The following ABCA7 variants were observed in gnomAD, a reference collection of about 807,000 sequenced individuals.
The protein encoded by ABCA7 is phospholipid-transporting ATPase ABCA7.
A neutral mutation model predicts 227.6 loss-of-function variants in ABCA7; 261 were observed. The ratio of observed to expected loss-of-function variants is 1.15; its 90% CI spans 1.04 to 1.27. ABCA7 has a LOEUF of 1.27. ABCA7 is among the 50% of genes most tolerant of loss of function. The pLI is 0.00. For synonymous variants in ABCA7, 1,488 were observed against 1,279.7 expected (o/e 1.16, Z -3.47); for missense variants, 3,331 against 2,924.5 (o/e 1.14, Z -3.21).
At chr19:1,064,783 G>T (rs2042931367) in intron 45 of ABCA7, 148 bp from the exon 46 acceptor site, 1 of 1,304,594 alleles carries the variant, frequency 7.7e-7, no homozygotes, top group African/African-American at 1.6e-5. Context: ...CGGGCGGGGG[G>T]TGGCGGGGGA....
In ABCA7 at chr19:1,044,608, G is replaced by A; in HGVS notation, c.1079G>A (p.Arg360Lys). ...CTGCAGATGCAGGATGAAGGAAGAA[G>A]GCAGCCCAGACCTGGAGGCCGGGAC... ...RLLQMQDEGR[R>K]QPRPGGRDHM... Residue 360 changes from arginine to lysine, a missense_variant, in exon 11 of 47, where the codon AGG becomes AAG. Transcript: ENST00000263094. 2 of 1,613,074 alleles carry A rather than the reference G, an allele frequency of 1.2e-6. No homozygotes were observed. The highest frequency in any genetic ancestry group is 8.5e-7 in the Non-Finnish European group (1 of 1,179,890).
intron 40 of ABCA7, among the ~76,000 whole-genome samples, chr19:1,060,207 A>ATATATATATATATATATTTTTTTTTT: frequency 1.0e-5 from 1 of 96,768 alleles, no homozygotes; most frequent in African/African-American, 3.5e-5. Context: ...ATATATATAT[A>ATATATATATATATATATTTTTTTTTT]TTTTTTTTTC....
chr19:1,047,927 G>T (rs1455740930), intron 16 of ABCA7, among the ~76,000 whole-genome samples: 1 of 152,204 alleles, frequency 6.6e-6, no homozygotes, highest in Non-Finnish European at 1.5e-5. Flanking sequence ...TGTGGCTCAC[G>T]CTTGTAATCC....
intron 7 of ABCA7, 50 bp downstream of exon 7, chr19:1,042,876 C>T: frequency 6.5e-7 from 1 of 1,528,382 alleles, no homozygotes; most frequent in Non-Finnish European, 8.8e-7. Flanking sequence ...CGTTGGCAGG[C>T]AGCCTGCGCC....
chr19:1,064,048 A>T (rs2042868243), intron 44 of ABCA7, 113 bp from the exon 45 acceptor site: 1 of 1,343,380 alleles, frequency 7.4e-7, no homozygotes, highest in South Asian at 1.4e-5. Context: ...TCTGGGGAAG[A>T]GTGGGGAGAT....
intron 25 of ABCA7, 51 bp from the exon 26 acceptor site, chr19:1,053,955 C>G (rs2042011451): frequency 6.2e-7 from 1 of 1,607,366 alleles, no homozygotes; most frequent in African/African-American, 1.3e-5. Context: ...GATTCCTGAT[C>G]CCCCAATCCG....
chr19:1,046,440 C>T, intron 13 of ABCA7, 34 bp downstream of exon 13: 4 of 1,516,728 alleles, frequency 2.6e-6, no homozygotes, highest in Non-Finnish European at 3.5e-6. Context: ...CTCTTCCCCG[C>T]GGCGGGAAGG....
chr19:1,056,101 G>A lies in ABCA7; in HGVS notation c.4274G>A (p.Gly1425Asp). 3 of 1,605,302 alleles carry A rather than the reference G, an allele frequency of 1.9e-6. No homozygotes were observed. The highest frequency in any genetic ancestry group is 4.5e-5 in the East Asian group (2 of 44,730). ...TTCTCGCTGGGGGGCCGAGACCCAGGCCTGCCCTCGGGCCAAGAGTTGGGC... is the reference window on the plus strand; with the variant it reads ...TTCTCGCTGGGGGGCCGAGACCCAGACCTGCCCTCGGGCCAAGAGTTGGGC... ...GGFSLGGRDPGLPSGQELGRS... is the reference protein window; with the variant it reads ...GGFSLGGRDPDLPSGQELGRS... Residue 1425 changes from glycine (G) to aspartate (D), a missense_variant, in exon 32 of 47, where the codon GGC becomes GAC. Transcript: ENST00000263094. This position sits in a 1 kb window ranked among gnomAD's most constrained non-coding sequence, Gnocchi z 4.3.
Position 1,051,579 on chromosome 19 carries a change from C to T in ABCA7, c.2955C>T (p.Tyr985=). The T allele has an allele frequency of 3.7e-6, 6 of 1,611,760 alleles. No individual in the cohort carries two copies. In the South Asian group the frequency reaches 5.5e-5, roughly 15 times the overall value. The change falls in exon 21 of 47, where the codon TAC becomes TAT. Residue 985 remains tyrosine (Y), a synonymous_variant. Coordinates refer to ENST00000263094, the MANE Select transcript of ABCA7 (RefSeq NM_019112.4). ...GTATTTGGGAGCTGCTGCTCAAATA[C>T]CGAGAAGGTAAGAGCTGGGGATTCT... ...RRGIWELLLK[Y]REGRTLILST...
intron 45 of ABCA7, 138 bp downstream of exon 45, chr19:1,064,391 G>C: frequency 1.9e-6 from 2 of 1,042,234 alleles, no homozygotes; most frequent in Non-Finnish European, 2.7e-6. Flanking sequence ...AGATTGTCCT[G>C]CAGGGGTGAC....
At chr19:1,060,041 G>C (rs531328546) in intron 40 of ABCA7, among the ~76,000 whole-genome samples, 18 of 152,152 alleles carry the variant, frequency 1.2e-4, no homozygotes, top group Admixed American at 2.6e-4. Context: ...TCAAGCACTT[G>C]CTCACAGCCA....
rs4147920 is a variant in ABCA7 at position 1,062,165 on chromosome 19, T to C, written c.5571-7T>C. ...GCTCTCTGAGCCCCCGGCGCCCCCATCCCCAGCGTGGCCCGGGAACCCAGT... is the reference window on the plus strand; with the variant it reads ...GCTCTCTGAGCCCCCGGCGCCCCCACCCCCAGCGTGGCCCGGGAACCCAGT... On this transcript the variant is annotated splice_region_variant and splice_polypyrimidine_tract_variant and intron_variant, in intron 41 of 46. Coordinates refer to ENST00000263094, the MANE Select transcript of ABCA7 (RefSeq NM_019112.4). 81,409 of 1,610,868 alleles carry C rather than the reference T, an allele frequency of 0.051. 2,945 individuals are homozygous for C. Among genetic ancestry groups the C allele is most frequent in the African/African-American group, 0.15 (11,427 of 74,946 alleles).
At chr19:1,061,465 G>A (rs1227742726) in intron 40 of ABCA7, among the ~76,000 whole-genome samples, 10 of 150,132 alleles carry the variant, frequency 6.7e-5, no homozygotes, top group Admixed American at 6.6e-4. Flanking sequence ...AGGAGTTCAA[G>A]GCAGGCGGAT....
intron 21 of ABCA7, among the ~76,000 whole-genome samples, 159 bp downstream of exon 21, chr19:1,051,745 G>T (rs2041651441): frequency 6.6e-6 from 1 of 152,176 alleles, no homozygotes; most frequent in East Asian, 1.9e-4. Context: ...GACAGTAAGA[G>T]TTGGGGATAG....
At chr19:1,047,063 C>T (rs533731250) in intron 14 of ABCA7, 39 bp downstream of exon 14, 3 of 1,550,964 alleles carry the variant, frequency 1.9e-6, no homozygotes, top group African/African-American at 1.4e-5. Flanking sequence ...AGAATGGGTG[C>T]GCTGGAGGGT....
Position 1,047,605 on chromosome 19 carries a change from C to G in ABCA7, c.2220C>G (p.Asp740Glu). Residue 740 changes from aspartate (D) to glutamate (E), a missense_variant, in exon 16 of 47, where the codon GAC becomes GAG. Asp to Glu is a conservative substitution (Grantham distance 45, BLOSUM62 2). Transcript: ENST00000263094. ...LAQVSGLLLL[D>E]AALYGLATWY... ...AGGTCTCTGGCCTTCTGCTGCTGGA[C>G]GCGGCGCTCTACGGCCTCGCCACCT... 6.2e-7 allele frequency: 1 copy of G among 1,602,950 alleles called. No homozygotes were observed. Among genetic ancestry groups the G allele is most frequent in the Non-Finnish European group, 8.5e-7 (1 of 1,179,214 alleles).
chr19:1,047,110 C>T, intron 14 of ABCA7, 47 bp from the exon 15 acceptor site: 2 of 1,567,572 alleles, frequency 1.3e-6, no homozygotes, highest in Non-Finnish European at 1.7e-6. Flanking sequence ...TGCGCGCCCC[C>T]AGGCCAATCC....
At position 1,055,353 on chromosome 19, in the gene ABCA7, T is replaced by C; in HGVS notation, c.4205+2T>C. The C allele has an allele frequency of 6.3e-7, 1 of 1,574,954 alleles. No individual in the cohort carries two copies. On this transcript the variant is annotated splice_donor_variant, in intron 30 of 46. Transcript: ENST00000263094. LOFTEE classifies it high-confidence loss of function. ...CTACCCGCGCCTGGTGCGCCAGGGG[T>C]GAGCCATGCCCTGGGACTCAGTTTC...
chr19:1,055,883 T>C (rs1398986775), intron 30 of ABCA7, 24 bp from the exon 31 acceptor site: 1 of 1,571,418 alleles, frequency 6.4e-7, no homozygotes, highest in South Asian at 1.2e-5. Context: ...TGTCTGCCTG[T>C]GTCTCTGTCC....
Sources: gnomAD v4.1 joint callset for allele counts (sites outside exome capture counted in the v4.1 genomes callset) on GRCh38, gnomAD v4.1.1 for gene constraint, Gnocchi (gnomAD v3.1) non-coding constraint, MANE v1.5 for transcripts, NCBI Gene and HGNC (gene_info 2026-07-23, HGNC 2026-07-21) for gene names.